The following MAN1A2 variants were observed in gnomAD, a reference collection of about 807,000 sequenced individuals.
The protein encoded by MAN1A2 is mannosidase alpha class 1A member 2, also known as mannosyl-oligosaccharide 1,2-alpha-mannosidase IB.
A neutral mutation model predicts 75.7 loss-of-function variants in MAN1A2; 26 were observed. The ratio of observed to expected loss-of-function variants is 0.34; its 90% CI spans 0.25 to 0.48. MAN1A2 has a LOEUF of 0.48. Ranked by LOEUF, MAN1A2 falls within the 20% of genes least tolerant of loss-of-function variation. The pLI, the probability that MAN1A2 is intolerant of heterozygous loss-of-function variation, is 0.99. For missense variants in MAN1A2, 562 were observed against 775.5 expected, an observed-to-expected ratio of 0.72 and a Z score of 3.27; for synonymous variants, 247 against 264.6, an observed-to-expected ratio of 0.93 and a Z score of 0.65.
At chr1:117,470,639 GA>G (rs1452561314) in intron 8 of MAN1A2, among the ~76,000 whole-genome samples, 2 of 152,088 alleles carry the variant, frequency 1.3e-5, no homozygotes, top group Non-Finnish European at 2.9e-5. Context: ...TATTTTGGCA[GA>G]AGATCTTTAA....
intron 8 of MAN1A2, among the ~76,000 whole-genome samples, chr1:117,472,672 TTTA>T (rs1215317221): frequency 6.6e-6 from 1 of 152,022 alleles, no homozygotes; most frequent in East Asian, 1.9e-4. Flanking sequence ...ACTCAGTCTT[TTTA>T]TTATTATTAT....
chr1:117,473,668 T>C (rs978456709), intron 8 of MAN1A2, among the ~76,000 whole-genome samples: 11 of 152,028 alleles, frequency 7.2e-5, no homozygotes, highest in African/African-American at 2.7e-4. Context: ...CTCCCTTTGC[T>C]TGGAATGATT....
chr1:117,524,502 A>G lies in MAN1A2; in HGVS notation c.*1545A>G, dbSNP rs967077023. 1 of 151,766 alleles carries G rather than the reference A, an allele frequency of 6.6e-6. No individual in the cohort carries two copies. Among genetic ancestry groups the G allele is most frequent in the Admixed American group, 6.6e-5 (1 of 15,170 alleles). The allele number at this position is 151,766 out of a possible 1,614,324, so 9.4% of individuals were successfully genotyped here. On this transcript the variant is annotated 3_prime_UTR_variant, in exon 13 of 13. Coordinates refer to ENST00000356554, the MANE Select transcript of MAN1A2 (RefSeq NM_006699.5). ...ACTCTGAATTTGAAGATTTCCTGAAACAAAGTTTGTACAAGAAGCCCACCT... is the reference window on the plus strand; with the variant it reads ...ACTCTGAATTTGAAGATTTCCTGAAGCAAAGTTTGTACAAGAAGCCCACCT...
At chr1:117,502,696 C>T (rs928416108) in intron 11 of MAN1A2, among the ~76,000 whole-genome samples, 159 bp from the exon 12 acceptor site, 6 of 151,610 alleles carry the variant, frequency 4.0e-5, no homozygotes, top group African/African-American at 7.3e-5. Context: ...TTAATTTTTC[C>T]AGTATGAGAA....
Position 117,451,100 on chromosome 1 carries a change from G to A in MAN1A2, c.950+8775G>A, listed in dbSNP as rs1383497912. On this transcript the variant is annotated intron_variant, in intron 6 of 12. Coordinates refer to ENST00000356554, the MANE Select transcript of MAN1A2 (RefSeq NM_006699.5). ...CCAGTTCAGGCACCCAGGAGGTTGGGCTATACCCTGCAAAGCCATAGGGGC... is the reference window on the plus strand; with the variant it reads ...CCAGTTCAGGCACCCAGGAGGTTGGACTATACCCTGCAAAGCCATAGGGGC... Among the ~76,000 whole-genome samples, 3 of 152,214 alleles carry A rather than the reference G, an allele frequency of 2.0e-5. No homozygotes were observed. The East Asian group carries it at 5.8e-4, about 29-fold the overall frequency.
intron 4 of MAN1A2, among the ~76,000 whole-genome samples, chr1:117,418,463 A>G (rs947987357): frequency 6.6e-6 from 1 of 152,136 alleles, no homozygotes; most frequent in Admixed American, 6.6e-5. Context: ...GTCTTAATAG[A>G]TATTAAAACT....
intron 5 of MAN1A2, among the ~76,000 whole-genome samples, chr1:117,431,199 GGGGGAGGGGGA>G (rs1557947821): frequency 0.28 from 8,118 of 29,234 alleles, 713 homozygotes; most frequent in Non-Finnish European, 0.4. Context: ...GGGAGAGGGA[GGGGGAGGGGGA>G]GGGGGAGGGG....
At chr1:117,401,087 A>G (rs924543719) in intron 1 of MAN1A2, among the ~76,000 whole-genome samples, 1 of 151,438 alleles carries the variant, frequency 6.6e-6, no homozygotes, top group African/African-American at 2.4e-5. Context: ...GCCTTCTTTA[A>G]GTACCTTCTA....
chr1:117,467,793 A>G (rs981636852), intron 8 of MAN1A2, among the ~76,000 whole-genome samples: 1 of 152,142 alleles, frequency 6.6e-6, no homozygotes, highest in African/African-American at 2.4e-5. Flanking sequence ...TTGAGATTTG[A>G]GAATATTATG....
chr1:117,460,265 G>A (rs1346653513), intron 6 of MAN1A2, among the ~76,000 whole-genome samples: 1 of 152,136 alleles, frequency 6.6e-6, no homozygotes, highest in Non-Finnish European at 1.5e-5. Context: ...ATGGAGATGA[G>A]AATGGGTGAA....
chr1:117,392,521 TTATG>T (rs1653756407), intron 1 of MAN1A2, among the ~76,000 whole-genome samples: 1 of 152,070 alleles, frequency 6.6e-6, no homozygotes, highest in South Asian at 2.1e-4. Flanking sequence ...CTTACTTTGT[TTATG>T]TATTCATTAG....
At chr1:117,502,357 G>A (rs966257453) in intron 11 of MAN1A2, among the ~76,000 whole-genome samples, 7 of 151,672 alleles carry the variant, frequency 4.6e-5, no homozygotes, top group African/African-American at 1.7e-4. Context: ...TTATGATAAT[G>A]CAATGTCTGG....
Position 117,525,992 on chromosome 1 carries a change from G to A in MAN1A2, c.*3035G>A, listed in dbSNP as rs1194496979. Reference sequence around the variant, plus strand: ...AGTATTGACCCTGATCCTCTATGATGTCATATAGAGCAACTCAGGGCTATA... The same window carrying A: ...AGTATTGACCCTGATCCTCTATGATATCATATAGAGCAACTCAGGGCTATA... On this transcript the variant is annotated 3_prime_UTR_variant, in exon 13 of 13. Transcript: ENST00000356554. The A allele has an allele frequency of 6.6e-6, 1 of 151,678 alleles. No individual in the cohort carries two copies. The highest frequency in any genetic ancestry group is 1.5e-5 in the Non-Finnish European group (1 of 67,788). 9.4% of individuals were successfully genotyped at this position (151,678 alleles called of 1,614,324 possible).
chr1:117,465,393 G>T (rs764350104), intron 7 of MAN1A2, among the ~76,000 whole-genome samples: 1 of 152,120 alleles, frequency 6.6e-6, no homozygotes, highest in Non-Finnish European at 1.5e-5. Context: ...TATACATAGT[G>T]TTGGTCTCAA....
chr1:117,368,870 C>A (rs1413875211), intron 1 of MAN1A2, among the ~76,000 whole-genome samples: 1 of 152,150 alleles, frequency 6.6e-6, no homozygotes, highest in African/African-American at 2.4e-5. Context: ...CATTGTGCCA[C>A]CATGTGAAAT....
intron 4 of MAN1A2, 118 bp from the exon 5 acceptor site, chr1:117,420,451 A>G: frequency 1.4e-6 from 1 of 718,944 alleles, no homozygotes; most frequent in South Asian, 1.8e-5. Flanking sequence ...ATGAAGATGC[A>G]GAAAGTAGAA....
intron 12 of MAN1A2, 77 bp from the exon 13 acceptor site, chr1:117,522,748 G>T: frequency 7.8e-7 from 1 of 1,281,052 alleles, no homozygotes; most frequent in Non-Finnish European, 1.1e-6. Flanking sequence ...TTGGTTTTCT[G>T]TGCCATTAAA....
At chr1:117,419,159 T>C (rs753249822) in intron 4 of MAN1A2, among the ~76,000 whole-genome samples, 2 of 70,054 alleles carry the variant, frequency 2.9e-5, no homozygotes, top group East Asian at 5.6e-4. Context: ...TGTTGGATCT[T>C]ATTGGTCATT....
intron 3 of MAN1A2, among the ~76,000 whole-genome samples, chr1:117,412,274 A>G (rs1647846839): frequency 6.6e-6 from 1 of 151,696 alleles, no homozygotes; most frequent in Non-Finnish European, 1.5e-5. Flanking sequence ...GAAAGATCAA[A>G]TTTATTGTGA....
Sources: allele counts gnomAD v4.1 joint callset (sites outside exome capture counted in the v4.1 genomes callset), GRCh38; gene constraint gnomAD v4.1.1; transcripts MANE v1.5; gene names NCBI Gene and HGNC (gene_info 2026-07-23, HGNC 2026-07-21).